Variants in CCDC181 observed in about 807,000 individuals in gnomAD.
The protein encoded by CCDC181 is coiled-coil domain-containing protein 181.
CCDC181 carries 35 observed loss-of-function variants against 58.7 expected under a neutral mutation model. The ratio of observed to expected loss-of-function variants is 0.60; its 90% confidence interval spans 0.46 to 0.79. CCDC181 has a LOEUF of 0.79. CCDC181 is among the 30% of genes least tolerant of loss of function. The probability of loss-of-function intolerance (pLI) is 0.00; values close to 1 mark genes in which losing one functional copy is unlikely to be tolerated. For missense variants in CCDC181, 517 were observed against 583.9 expected (o/e 0.89, Z 1.18); for synonymous variants, 183 against 197.5 (o/e 0.93, Z 0.62).
intron 3 of CCDC181, 101 bp downstream of exon 3, chr1:169,421,262 A>G: frequency 2.3e-6 from 2 of 869,860 alleles, no homozygotes; most frequent in Non-Finnish European, 3.4e-6. Flanking sequence ...AGCAATCAAA[A>G]AAAGTCTCCA....
chr1:169,395,712 A>C (rs1654981714), intron 5 of CCDC181, among the ~76,000 whole-genome samples: 1 of 152,220 alleles, frequency 6.6e-6, no homozygotes, highest in African/African-American at 2.4e-5. Flanking sequence ...AAACATCAAA[A>C]GCAGGAAAGG....
chr1:169,400,078 G>C (rs769241544), intron 4 of CCDC181, among the ~76,000 whole-genome samples: 1 of 151,920 alleles, frequency 6.6e-6, no homozygotes, highest in Non-Finnish European at 1.5e-5. Flanking sequence ...AGGTCTAACA[G>C]AGAGTAGCTG....
chr1:169,418,195 A>ATG (rs1314361948), intron 4 of CCDC181, among the ~76,000 whole-genome samples: 2 of 152,204 alleles, frequency 1.3e-5, no homozygotes, highest in African/African-American at 4.8e-5. Flanking sequence ...TTCCCATAGA[A>ATG]TGTACCTCTT....
chr1:169,417,858 A>G (rs1374417050), intron 4 of CCDC181, among the ~76,000 whole-genome samples: 2 of 152,160 alleles, frequency 1.3e-5, no homozygotes, highest in Non-Finnish European at 2.9e-5. Context: ...AAGAAATTAA[A>G]AAGGTTTTAG....
chr1:169,439,028 T>C (rs1657133128), intron 2 of CCDC181, among the ~76,000 whole-genome samples: 1 of 152,106 alleles, frequency 6.6e-6, no homozygotes, highest in South Asian at 2.1e-4. Flanking sequence ...CTCTTCCTAC[T>C]AGTTAGGGAG....
chr1:169,406,387 G>A (rs993382306), intron 4 of CCDC181, among the ~76,000 whole-genome samples: 13 of 152,160 alleles, frequency 8.5e-5, no homozygotes, highest in Middle Eastern at 3.4e-3. Context: ...GCAAAGACTC[G>A]GAACCAACCC....
At chr1:169,417,213 T>C (rs1009194095) in intron 4 of CCDC181, among the ~76,000 whole-genome samples, 1 of 152,154 alleles carries the variant, frequency 6.6e-6, no homozygotes, top group East Asian at 1.9e-4. Context: ...TCCCATGGGT[T>C]AAGGGCTCAA....
At chr1:169,422,576 T>C (rs1247165492) in intron 2 of CCDC181, among the ~76,000 whole-genome samples, 1 of 152,188 alleles carries the variant, frequency 6.6e-6, no homozygotes, top group Non-Finnish European at 1.5e-5. Flanking sequence ...ATTTTTATGC[T>C]AATGTATCAA....
chr1:169,397,254 C>CTTTA lies in CCDC181; in HGVS notation c.1352_1353insTAAA (p.Glu452LysfsTer6). 3 of 1,602,532 alleles carry CTTTA rather than the reference C, an allele frequency of 1.9e-6. No homozygotes were observed. Among genetic ancestry groups the CTTTA allele is most frequent in the Non-Finnish European group, 2.6e-6 (3 of 1,175,492 alleles). On this transcript the variant is annotated frameshift_variant, in exon 5 of 6. Coordinates refer to ENST00000367806, the MANE Select transcript of CCDC181 (RefSeq NM_001300969.2). LOFTEE classifies it high-confidence loss of function. ...TAACTTACTGTTTAAAGGCCCTTTC[C>CTTTA]CGGCCTTCTGTTCCTTTAAGGAAGA...
chr1:169,434,498 C>T (rs1167301843), intron 2 of CCDC181, among the ~76,000 whole-genome samples: 1 of 151,970 alleles, frequency 6.6e-6, no homozygotes, highest in African/African-American at 2.4e-5. Context: ...TTCATAGAAG[C>T]ATTCTTCACA....
intron 2 of CCDC181, among the ~76,000 whole-genome samples, chr1:169,442,332 C>A (rs577524536): frequency 6.6e-6 from 1 of 151,960 alleles, no homozygotes; most frequent in East Asian, 1.9e-4. Flanking sequence ...ATTACTTCAA[C>A]CACCTAGAAC....
chr1:169,449,887 A>G (rs528924850), intron 2 of CCDC181, among the ~76,000 whole-genome samples: 1 of 152,124 alleles, frequency 6.6e-6, no homozygotes, highest in South Asian at 2.1e-4. Flanking sequence ...TACACCTAGG[A>G]TCAATACTTT....
chr1:169,447,242 A>G (rs1657402634), intron 2 of CCDC181, among the ~76,000 whole-genome samples: 2 of 152,118 alleles, frequency 1.3e-5, no homozygotes, highest in African/African-American at 2.4e-5. Context: ...CCTCCCGAGT[A>G]GCTGGAATTA....
chr1:169,409,126 A>C (rs751916444), intron 4 of CCDC181, among the ~76,000 whole-genome samples: 5 of 152,234 alleles, frequency 3.3e-5, no homozygotes, highest in Non-Finnish European at 7.3e-5. Context: ...CAATGCAAGG[A>C]AGCTAAGAAT....
chr1:169,453,991 C>T (rs920723633), intron 2 of CCDC181, among the ~76,000 whole-genome samples: 4 of 151,988 alleles, frequency 2.6e-5, no homozygotes, highest in African/African-American at 9.7e-5. Context: ...TCTCAACAGT[C>T]TTAATCAACT....
At chr1:169,399,298 T>G (rs1187396424) in intron 4 of CCDC181, among the ~76,000 whole-genome samples, 2 of 152,188 alleles carry the variant, frequency 1.3e-5, no homozygotes, top group African/African-American at 4.8e-5. Context: ...TGGTTTAGAT[T>G]AGGGTAGTGG....
At chr1:169,439,231 G>A (rs1403465718) in intron 2 of CCDC181, among the ~76,000 whole-genome samples, 2 of 151,700 alleles carry the variant, frequency 1.3e-5, no homozygotes, top group African/African-American at 4.8e-5. Context: ...GGAAGAAGGT[G>A]TTTGCAGCTC....
chr1:169,419,749 C>T (rs1248961460), intron 3 of CCDC181, among the ~76,000 whole-genome samples: 4 of 152,092 alleles, frequency 2.6e-5, no homozygotes, highest in African/African-American at 7.2e-5. Flanking sequence ...GTATGACAAA[C>T]GATGATTATC....
chr1:169,414,756 T>A (rs1039582128), intron 4 of CCDC181, among the ~76,000 whole-genome samples: 1 of 152,212 alleles, frequency 6.6e-6, no homozygotes, highest in Non-Finnish European at 1.5e-5. Flanking sequence ...TTCTGGAAAC[T>A]ATGACTCACA....
Sources: allele counts gnomAD v4.1 joint callset (sites outside exome capture counted in the v4.1 genomes callset), GRCh38; gene constraint gnomAD v4.1.1; transcripts MANE v1.5; gene names NCBI Gene and HGNC (gene_info 2026-07-23, HGNC 2026-07-21).